ARID2: variants seen among roughly 807,000 people sequenced by gnomAD.
ARID2 encodes the protein AT-rich interactive domain-containing protein 2.
A neutral mutation model predicts 184.6 loss-of-function variants in ARID2; 32 were observed. That is an observed-to-expected ratio of 0.17 (90% CI 0.13 to 0.23). The LOEUF (loss-of-function observed/expected upper bound fraction) is 0.23. Among genes scored for constraint, ARID2 ranks in the 10% least tolerant of loss-of-function variants. The pLI, the probability that ARID2 is intolerant of heterozygous loss-of-function variation, is 1.00. For synonymous variants in ARID2, 836 were observed against 772.6 expected, an observed-to-expected ratio of 1.08 and a Z score of -1.36; for missense variants, 1,696 against 2,197.6, an observed-to-expected ratio of 0.77 and a Z score of 4.56.
At chr12:45,865,661 A>C (rs758585803) in intron 16 of ARID2, among the ~76,000 whole-genome samples, 2 of 152,120 alleles carry the variant, frequency 1.3e-5, no homozygotes, top group Non-Finnish European at 2.9e-5. Flanking sequence ...GTTTCCATTT[A>C]AATCTTATAT....
intron 3 of ARID2, among the ~76,000 whole-genome samples, chr12:45,746,884 A>G (rs1941368249): frequency 1.3e-5 from 2 of 152,260 alleles, no homozygotes; most frequent in Non-Finnish European, 2.9e-5. Context: ...CTCCTGCCTC[A>G]GCCTCCCGAG....
intron 3 of ARID2, among the ~76,000 whole-genome samples, chr12:45,778,308 T>C (rs1349799567): frequency 6.6e-6 from 1 of 152,106 alleles, no homozygotes; most frequent in Non-Finnish European, 1.5e-5. Context: ...AGAGTAGAGG[T>C]AACCTCTTAT....
intron 16 of ARID2, among the ~76,000 whole-genome samples, chr12:45,865,675 G>A (rs966208352): frequency 1.3e-5 from 2 of 151,952 alleles, no homozygotes; most frequent in Non-Finnish European, 2.9e-5. Context: ...CTTATATTTT[G>A]GTATTTTTCC....
chr12:45,764,229 A>G (rs1237778758), intron 3 of ARID2, among the ~76,000 whole-genome samples: 1 of 152,124 alleles, frequency 6.6e-6, no homozygotes, highest in Non-Finnish European at 1.5e-5. Flanking sequence ...TTGCTTCCTG[A>G]TTATAGTTAT....
intron 11 of ARID2, chr12:45,845,844 T>G (rs967379229): frequency 6.6e-6 from 1 of 152,166 alleles, no homozygotes; most frequent in African/African-American, 2.4e-5. Flanking sequence ...AAAAACTACA[T>G]TGCCGTGTCA....
intron 3 of ARID2, among the ~76,000 whole-genome samples, chr12:45,795,593 T>C (rs974477944): frequency 6.6e-5 from 10 of 151,858 alleles, no homozygotes; most frequent in Admixed American, 4.6e-4. Context: ...CCACCACGCC[T>C]GGTTAATTTT....
chr12:45,760,504 GTTTTTGTGTTTCTTTTGTGT>G (rs976308628), intron 3 of ARID2, among the ~76,000 whole-genome samples: 1 of 151,620 alleles, frequency 6.6e-6, no homozygotes, highest in Non-Finnish European at 1.5e-5. Context: ...TTTTTTTGGT[GTTTTTGTGTTTCTTTTGTGT>G]TTTTTGTGTT....
At chr12:45,867,708 A>ACT (rs1444713883) in intron 16 of ARID2, among the ~76,000 whole-genome samples, 1 of 150,778 alleles carries the variant, frequency 6.6e-6, no homozygotes, top group East Asian at 2.0e-4. Context: ...GCGCCACTGC[A>ACT]CTCTAGCCAG....
intron 2 of ARID2, 43 bp downstream of exon 2, chr12:45,730,180 CT>C (rs1940952283): frequency 6.2e-7 from 1 of 1,600,012 alleles, no homozygotes; most frequent in Non-Finnish European, 8.5e-7. Flanking sequence ...CGCTGGCCTC[CT>C]CCAAAAAGTC....
At chr12:45,769,560 T>C (rs1941830551) in intron 3 of ARID2, among the ~76,000 whole-genome samples, 1 of 152,184 alleles carries the variant, frequency 6.6e-6, no homozygotes, top group African/African-American at 2.4e-5. Context: ...CGCCATGAAG[T>C]GTACCAACGT....
chr12:45,772,205 T>C (rs1045893181), intron 3 of ARID2, among the ~76,000 whole-genome samples: 4 of 152,130 alleles, frequency 2.6e-5, no homozygotes, highest in Non-Finnish European at 4.4e-5. Flanking sequence ...AACAAAAACA[T>C]GAGATACACA....
chr12:45,771,878 CTT>C (rs1001768423), intron 3 of ARID2, among the ~76,000 whole-genome samples: 3 of 151,898 alleles, frequency 2.0e-5, no homozygotes, highest in Admixed American at 6.6e-5. Flanking sequence ...TCCCTTTGCT[CTT>C]TTTATTCTCT....
At chr12:45,790,362 T>A (rs1942272994) in intron 3 of ARID2, among the ~76,000 whole-genome samples, 1 of 152,190 alleles carries the variant, frequency 6.6e-6, no homozygotes, top group Non-Finnish European at 1.5e-5. Context: ...AGATTCAATA[T>A]GTTGTGTTCT....
At chr12:45,842,317 ATATG>A (rs1943361609) in intron 11 of ARID2, 1 of 144,376 alleles carries the variant, frequency 6.9e-6, no homozygotes, top group East Asian at 1.9e-4. Context: ...ACACACATGT[ATATG>A]TATATATATA....
rs2138168124 is a variant in ARID2 at position 45,851,129 on chromosome 12, T to C, written c.3006T>C (p.Thr1002=). Residue 1002 remains threonine, a synonymous_variant, in exon 15 of 21, where the codon ACT becomes ACC. Transcript: ENST00000334344. The part of the protein sequence containing the change: ...STPQSQGPPP[T]VSQMLSVKRQ... The stretch of plus-strand genomic sequence containing the variant: ...CTCAATCACAGGGACCACCTCCTAC[T>C]GTCAGTCAAATGTTATCTGTGAAAA... 1.9e-6 allele frequency: 3 copies of C among 1,614,056 alleles called. No homozygotes were observed. The highest frequency in any genetic ancestry group is 2.2e-5 in the East Asian group (1 of 44,870).
chr12:45,850,891 A>G lies in ARID2; in HGVS notation c.2768A>G (p.Gln923Arg). 1.9e-6 allele frequency: 3 copies of G among 1,614,148 alleles called. No individual in the cohort carries two copies. The highest frequency in any genetic ancestry group is 1.7e-6 in the Non-Finnish European group (2 of 1,180,012). ...ATTCAACAACCACAGCAGCCAACCC[A>G]ACAAAGCGTAGTGATTGTAAGCCAG... ...QPIQQPQQPT[Q>R]QSVVIVSQPA... is the part of the protein sequence containing the mutation. The change falls in exon 15 of 21, where the codon CAA becomes CGA. Residue 923 changes from glutamine to arginine, a missense_variant. Gln to Arg is a conservative substitution (Grantham distance 43, BLOSUM62 1). Transcript: ENST00000334344.
At chr12:45,896,661 CTT>C (rs1944371808) in intron 20 of ARID2, among the ~76,000 whole-genome samples, 1 of 152,132 alleles carries the variant, frequency 6.6e-6, no homozygotes, top group Non-Finnish European at 1.5e-5. Context: ...TTGGGTATGT[CTT>C]TATCAGCAGC....
At chr12:45,866,465 A>G (rs1943833062) in intron 16 of ARID2, among the ~76,000 whole-genome samples, 1 of 152,202 alleles carries the variant, frequency 6.6e-6, no homozygotes, top group Admixed American at 6.5e-5. Context: ...TTCTACAAGT[A>G]TTTCAGTAGA....
At chr12:45,755,644 G>C (rs1279228350) in intron 3 of ARID2, among the ~76,000 whole-genome samples, 8 of 152,134 alleles carry the variant, frequency 5.3e-5, no homozygotes, top group Admixed American at 5.2e-4. Flanking sequence ...TAAAATTTTA[G>C]ATTACATGTA....
Sources: allele counts gnomAD v4.1 joint callset (sites outside exome capture counted in the v4.1 genomes callset), GRCh38; gene constraint gnomAD v4.1.1; transcripts MANE v1.5; gene names NCBI Gene and HGNC (gene_info 2026-07-23, HGNC 2026-07-21).